Variants in PLCE1 observed in about 807,000 individuals in gnomAD.
PLCE1 encodes 1-phosphatidylinositol 4,5-bisphosphate phosphodiesterase epsilon-1.
In PLCE1, 119 loss-of-function variants were observed where a neutral mutation model predicts 242.8. The ratio of observed to expected loss-of-function variants is 0.49; its 90% confidence interval spans 0.42 to 0.57. The LOEUF (loss-of-function observed/expected upper bound fraction) is 0.57. Ranked by LOEUF, PLCE1 falls within the 20% of genes least tolerant of loss-of-function variation. The pLI is 0.00. For synonymous variants in PLCE1, 945 were observed against 1,017.4 expected (o/e 0.93, Z 1.35); for missense variants, 2,441 against 2,788.8 (o/e 0.88, Z 2.81).
chr10:94,010,324 A>G (rs968653552), intron 1 of PLCE1, among the ~76,000 whole-genome samples: 1 of 152,158 alleles, frequency 6.6e-6, no homozygotes, highest in African/African-American at 2.4e-5. Flanking sequence ...CTCTGAAACC[A>G]TTCTTTCCTC....
At chr10:94,301,265 A>T (rs2053027233) in intron 24 of PLCE1, among the ~76,000 whole-genome samples, 1 of 151,192 alleles carries the variant, frequency 6.6e-6, no homozygotes, top group South Asian at 2.1e-4. Context: ...AATCTCTTGA[A>T]CCCAGGAGGC....
At chr10:94,023,947 T>C (rs1297537476) in intron 1 of PLCE1, among the ~76,000 whole-genome samples, 1 of 152,024 alleles carries the variant, frequency 6.6e-6, no homozygotes. Context: ...TTAGGGAATG[T>C]TTTAAGAGGT....
chr10:94,300,381 C>T (rs1409177179), intron 24 of PLCE1, among the ~76,000 whole-genome samples: 4 of 152,200 alleles, frequency 2.6e-5, no homozygotes, highest in African/African-American at 7.2e-5. Context: ...ATTGAGAGTA[C>T]GTCTTTAAGC....
chr10:93,998,366 A>T (rs2060868720), intron 1 of PLCE1, among the ~76,000 whole-genome samples: 1 of 152,084 alleles, frequency 6.6e-6, no homozygotes, highest in Non-Finnish European at 1.5e-5. Flanking sequence ...GCCAGGGGGC[A>T]TGTATACCTC....
chr10:94,130,454 C>A (rs374955147), intron 2 of PLCE1, among the ~76,000 whole-genome samples: 23 of 152,282 alleles, frequency 1.5e-4, no homozygotes, highest in African/African-American at 5.5e-4. Context: ...TGGTGAATCC[C>A]AGAATCTCCC....
intron 22 of PLCE1, among the ~76,000 whole-genome samples, chr10:94,285,977 G>A (rs1022065891): frequency 6.6e-6 from 1 of 152,086 alleles, no homozygotes; most frequent in Non-Finnish European, 1.5e-5. Context: ...ATACTGCCTG[G>A]CCTCTCTTGT....
In PLCE1 at chr10:94,265,627, T is replaced by C; in HGVS notation, c.4054-20T>C. ...AGTTTCCTTAACCTAAATAACACTT[T>C]TTTTTTTAATCCCTTGCAGAAGTTC... On this transcript the variant is annotated intron_variant, in intron 14 of 32. Transcript: ENST00000371380. 1 of 1,609,724 alleles carries C rather than the reference T, an allele frequency of 6.2e-7. No homozygotes were observed.
chr10:94,165,731 G>T (rs559631443), intron 3 of PLCE1, among the ~76,000 whole-genome samples: 1 of 151,028 alleles, frequency 6.6e-6, no homozygotes, highest in East Asian at 1.9e-4. Flanking sequence ...TTTTTGAGAC[G>T]GTGTCTTGCT....
chr10:94,313,273 G>T lies in PLCE1; in HGVS notation c.6023G>T (p.Arg2008Ile). 3.1e-6 allele frequency: 5 copies of T among 1,614,140 alleles called. No homozygotes were observed. Among genetic ancestry groups the T allele is most frequent in the Non-Finnish European group, 4.2e-6 (5 of 1,179,994 alleles). The change falls in exon 28 of 33, where the codon AGA becomes ATA. Residue 2008 changes from arginine to isoleucine, a missense_variant. By Grantham distance (97) the Arg-to-Ile change is moderately conservative. Around this residue, in one of 5 missense-constraint regions of PLCE1, gnomAD observed 1,004 missense variants for 1,322.7 expected, o/e 0.76. Coordinates refer to ENST00000371380, the MANE Select transcript of PLCE1 (RefSeq NM_016341.4). Reference protein sequence around the residue: ...SASSMFNTEERKCLQTHRVTV... With the variant: ...SASSMFNTEEIKCLQTHRVTV... ...TGACAGATGTTTAATACAGAAGAAA[G>T]AAAATGTTTGCAGACTCACAGAGTC...
chr10:94,128,478 C>T (rs1273675146), intron 2 of PLCE1, among the ~76,000 whole-genome samples: 1 of 152,138 alleles, frequency 6.6e-6, no homozygotes, highest in Non-Finnish European at 1.5e-5. Context: ...TATTGGCAAT[C>T]GTGATGGAAG....
rs574681547 is a variant in PLCE1 at position 94,234,218 on chromosome 10, G to C, written c.2120G>C (p.Gly707Ala). The change falls in exon 6 of 33, where the codon GGG becomes GCG. Residue 707 changes from glycine to alanine, a missense_variant. By Grantham distance (60) the Gly-to-Ala change is moderately conservative (BLOSUM62 0). Around this residue, in one of 5 missense-constraint regions of PLCE1, gnomAD observed 733 missense variants for 754.2 expected, o/e 0.97. Transcript: ENST00000371380. ...IPGCKVVPFC[G>A]VFLKELCEVL... ...GGCTGTAAGGTGGTTCCATTCTGTG[G>C]GGTGTTTCTGAAGGAGCTCTGTGAA... The C allele has an allele frequency of 6.2e-6, 10 of 1,614,138 alleles. No individual in the cohort carries two copies. In the African/African-American group the frequency reaches 1.3e-4, roughly 22 times the overall value.
intron 1 of PLCE1, among the ~76,000 whole-genome samples, chr10:94,002,234 G>A (rs976343392): frequency 1.3e-5 from 2 of 152,234 alleles, no homozygotes; most frequent in African/African-American, 4.8e-5. Flanking sequence ...CACCAGCAGT[G>A]CAACACAGAC....
In PLCE1 at chr10:94,316,556, A is replaced by C. The variant is rs769780692; in HGVS notation, c.6142A>C (p.Asn2048His). 45 of 1,605,808 alleles carry C rather than the reference A, an allele frequency of 2.8e-5. No homozygotes were observed. In the South Asian group the frequency reaches 4.7e-4, roughly 17 times the overall value. The change falls in exon 29 of 33, where the codon AAT becomes CAT. Residue 2048 changes from asparagine to histidine, a missense_variant. Physicochemically the swap from Asn to His is moderately conservative, Grantham distance 68 (BLOSUM62 1). Around this residue, in one of 5 missense-constraint regions of PLCE1, gnomAD observed 310 missense variants for 317.2 expected, o/e 0.98. Coordinates refer to ENST00000371380, the MANE Select transcript of PLCE1 (RefSeq NM_016341.4). The stretch of plus-strand genomic sequence containing the variant: ...TTCACTTTTTCTTTAGATTCTGACA[A>C]ATGAACAAGACATCAAACCTGTTAC... ...AKQLLQQILT[N>H]EQDIKPVTTD... is the part of the protein sequence containing the mutation.
chr10:94,319,404 A>G (rs140098470), intron 29 of PLCE1, among the ~76,000 whole-genome samples: 1 of 152,310 alleles, frequency 6.6e-6, no homozygotes, highest in African/African-American at 2.4e-5. Context: ...ATTTCCATTT[A>G]TTTTATCCCA....
At chr10:94,190,154 C>T (rs1282961755) in intron 4 of PLCE1, among the ~76,000 whole-genome samples, 1 of 152,142 alleles carries the variant, frequency 6.6e-6, no homozygotes, top group Non-Finnish European at 1.5e-5. Flanking sequence ...GTAGTGCCCC[C>T]CTGTGATCCC....
intron 7 of PLCE1, among the ~76,000 whole-genome samples, chr10:94,238,759 A>T (rs993137356): frequency 6.6e-6 from 1 of 152,168 alleles, no homozygotes; most frequent in Non-Finnish European, 1.5e-5. Flanking sequence ...TGTAGAGAAG[A>T]GTATAGAGTC....
Position 94,090,564 on chromosome 10 carries a change from T to G in PLCE1, c.1207-41610T>G, listed in dbSNP as rs189555797. 1.4e-3 allele frequency among the ~76,000 whole-genome samples: 212 copies of G among 152,212 alleles called. 2 individuals are homozygous for G. The highest frequency in any genetic ancestry group is 4.2e-3 in the African/African-American group (175 of 41,538). On this transcript the variant is annotated intron_variant, in intron 2 of 32. Transcript: ENST00000371380. ...AAGGTGCGGGGTGTCTTGGTAGAAG[T>G]GAATGTCTGTGGTCTTTGTGGTAGA...
chr10:94,070,478 C>G (rs2044319781), intron 2 of PLCE1, among the ~76,000 whole-genome samples: 1 of 152,164 alleles, frequency 6.6e-6, no homozygotes, highest in African/African-American at 2.4e-5. Context: ...CCCTCTCTTT[C>G]CCAGGAATGC....
intron 4 of PLCE1, among the ~76,000 whole-genome samples, chr10:94,178,703 G>A (rs1032719639): frequency 3.0e-4 from 46 of 152,172 alleles, no homozygotes; most frequent in Non-Finnish European, 5.9e-4. Context: ...AATGATGATC[G>A]CTTTGGCAGA....
Sources: gnomAD v4.1 joint callset for allele counts (sites outside exome capture counted in the v4.1 genomes callset) on GRCh38, gnomAD v4.1.1 for gene constraint, gnomAD v4.1.1 regional missense constraint, MANE v1.5 for transcripts, NCBI Gene and HGNC (gene_info 2026-07-23, HGNC 2026-07-21) for gene names.